The following AUTS2 variants were observed in gnomAD, a reference collection of about 807,000 sequenced individuals.
The protein encoded by AUTS2 is autism susceptibility gene 2 protein.
In AUTS2, 17 loss-of-function variants were observed where a neutral mutation model predicts 112.4. The ratio of observed to expected loss-of-function variants is 0.15; its 90% CI spans 0.10 to 0.23. The LOEUF (loss-of-function observed/expected upper bound fraction) is 0.23, where lower values mean the gene tolerates loss of function less well. AUTS2 is among the 10% of genes least tolerant of loss of function. The probability of loss-of-function intolerance (pLI) is 1.00; values close to 1 mark genes in which losing one functional copy is unlikely to be tolerated. For missense variants in AUTS2, 1,510 were observed against 1,701.6 expected, an observed-to-expected ratio of 0.89 and a Z score of 1.98; for synonymous variants, 751 against 702.7, an observed-to-expected ratio of 1.07 and a Z score of -1.09.
intron 5 of AUTS2, among the ~76,000 whole-genome samples, chr7:70,620,231 G>T (rs977152271): frequency 2.6e-5 from 4 of 152,188 alleles, no homozygotes; most frequent in Admixed American, 2.0e-4. Context: ...TTTTTGACAG[G>T]TGGAATTTTG....
intron 5 of AUTS2, among the ~76,000 whole-genome samples, chr7:70,455,335 CT>C (rs1274949176): frequency 6.6e-6 from 1 of 152,160 alleles, no homozygotes; most frequent in Non-Finnish European, 1.5e-5. Flanking sequence ...TGGCCTTCAT[CT>C]TGGGTGCTAC....
At chr7:70,328,452 C>T (rs1790593631) in intron 4 of AUTS2, among the ~76,000 whole-genome samples, 2 of 152,076 alleles carry the variant, frequency 1.3e-5, no homozygotes, top group African/African-American at 2.4e-5. Context: ...GAACCCCTGA[C>T]CTCAAATGAT....
chr7:70,477,440 G>T (rs538950327), intron 5 of AUTS2, among the ~76,000 whole-genome samples: 5 of 152,246 alleles, frequency 3.3e-5, no homozygotes, highest in African/African-American at 7.2e-5. Flanking sequence ...GACTCCCTCC[G>T]TTACTCAGGA....
chr7:69,807,480 A>G (rs1426825405), intron 1 of AUTS2, among the ~76,000 whole-genome samples: 2 of 152,102 alleles, frequency 1.3e-5, no homozygotes, highest in African/African-American at 2.4e-5. Flanking sequence ...GAGTAAAGGT[A>G]CTTGTCAGAC....
chr7:70,484,851 T>C (rs975356574), intron 5 of AUTS2, among the ~76,000 whole-genome samples: 2 of 152,292 alleles, frequency 1.3e-5, no homozygotes, highest in African/African-American at 4.8e-5. Flanking sequence ...TCAAAAAAGA[T>C]ATACAAACAG....
intron 2 of AUTS2, among the ~76,000 whole-genome samples, chr7:69,937,425 G>A (rs1796457580): frequency 6.6e-6 from 1 of 152,224 alleles, no homozygotes. Context: ...GTTTTGGCAA[G>A]GTTGTTTGTA....
chr7:69,950,339 A>G (rs1178143651), intron 2 of AUTS2, among the ~76,000 whole-genome samples: 2 of 152,186 alleles, frequency 1.3e-5, no homozygotes, highest in African/African-American at 4.8e-5. Flanking sequence ...GCAAGCAGAA[A>G]TAATGTGGAT....
At chr7:70,609,601 G>GT (rs71302812) in intron 5 of AUTS2, among the ~76,000 whole-genome samples, 25,415 of 147,910 alleles carry the variant, frequency 0.17, 2,625 homozygotes, top group African/African-American at 0.29. Context: ...TTGTTGTTTT[G>GT]TTTTTTTAGT....
chr7:69,853,064 A>G (rs183481507), intron 1 of AUTS2, among the ~76,000 whole-genome samples: 11 of 152,130 alleles, frequency 7.2e-5, no homozygotes, highest in Non-Finnish European at 1.3e-4. Flanking sequence ...GATATGGTCT[A>G]TGTTATTTGT....
chr7:69,984,922 G>T (rs1165941368), intron 2 of AUTS2, among the ~76,000 whole-genome samples: 1 of 152,192 alleles, frequency 6.6e-6, no homozygotes, highest in Non-Finnish European at 1.5e-5. Flanking sequence ...GAATCTGGGG[G>T]TGATTTAGAA....
chr7:70,155,014 A>G (rs1807666065), intron 4 of AUTS2, among the ~76,000 whole-genome samples: 1 of 152,184 alleles, frequency 6.6e-6, no homozygotes, highest in Non-Finnish European at 1.5e-5. Flanking sequence ...CACAGCAAGC[A>G]CACTTTCTGC....
intron 1 of AUTS2, among the ~76,000 whole-genome samples, chr7:69,752,897 G>A (rs1241256031): frequency 6.6e-6 from 1 of 152,192 alleles, no homozygotes; most frequent in Non-Finnish European, 1.5e-5. Context: ...GACTGGAACA[G>A]CAGCTGTGTA....
intron 6 of AUTS2, among the ~76,000 whole-genome samples, chr7:70,745,008 G>A (rs910758063): frequency 6.6e-6 from 1 of 150,680 alleles, no homozygotes; most frequent in Non-Finnish European, 1.5e-5. Context: ...GGAAAATGGT[G>A]ATTTCAGTAT....
chr7:69,965,370 T>C (rs1437016838), intron 2 of AUTS2, among the ~76,000 whole-genome samples: 1 of 152,162 alleles, frequency 6.6e-6, no homozygotes, highest in African/African-American at 2.4e-5. Context: ...CTATGCATGG[T>C]GCCAAGCCAC....
chr7:70,129,975 GA>G (rs944680767), intron 3 of AUTS2, among the ~76,000 whole-genome samples: 6 of 151,096 alleles, frequency 4.0e-5, no homozygotes, highest in African/African-American at 1.2e-4. Context: ...CGTTTCTTTG[GA>G]TTAAGATTTC....
chr7:70,189,220 C>G (rs765608331), intron 4 of AUTS2, among the ~76,000 whole-genome samples: 2 of 152,014 alleles, frequency 1.3e-5, no homozygotes, highest in African/African-American at 2.4e-5. Context: ...AAATCAAGAT[C>G]TGAGGAGTGA....
chr7:70,447,665 A>G (rs1796371212), intron 5 of AUTS2, among the ~76,000 whole-genome samples: 1 of 152,234 alleles, frequency 6.6e-6, no homozygotes, highest in Non-Finnish European at 1.5e-5. Flanking sequence ...GCCACATTCC[A>G]ATAAGCCTGA....
Position 70,545,748 on chromosome 7 carries a change from C to G in AUTS2, c.690+109967C>G, listed in dbSNP as rs115206122. On this transcript the variant is annotated intron_variant, in intron 5 of 18. Transcript: ENST00000342771. ...GGAGTCACCTCTGTCCCTCCCCCTA[C>G]TGATACATCTCAGGGTCTCAGAGCC... Among the ~76,000 whole-genome samples the G allele has an allele frequency of 2.9e-3, 445 of 152,312 alleles. 4 individuals carry two copies. Among genetic ancestry groups the G allele is most frequent in the African/African-American group, 9.8e-3 (407 of 41,572 alleles).
At chr7:70,718,511 A>G (rs987309376) in intron 6 of AUTS2, among the ~76,000 whole-genome samples, 2 of 152,234 alleles carry the variant, frequency 1.3e-5, no homozygotes, top group Middle Eastern at 3.4e-3. Context: ...AAAATACAAA[A>G]TATTAGCCAG....
Sources: allele counts gnomAD v4.1 joint callset (sites outside exome capture counted in the v4.1 genomes callset), GRCh38; gene constraint gnomAD v4.1.1; transcripts MANE v1.5; gene names NCBI Gene and HGNC (gene_info 2026-07-23, HGNC 2026-07-21).